Variants in KDM6A observed in about 807,000 individuals in gnomAD.
The protein encoded by KDM6A is lysine-specific demethylase 6A.
In KDM6A, 11 loss-of-function variants were observed where a neutral mutation model predicts 117.6. The ratio of observed to expected loss-of-function variants is 0.09; its 90% confidence interval spans 0.06 to 0.15. The LOEUF (loss-of-function observed/expected upper bound fraction) is 0.15, where lower values mean the gene tolerates loss of function less well. KDM6A is among the 10% of genes least tolerant of loss of function. The pLI is 1.00. For missense variants in KDM6A, 799 were observed against 1,077.3 expected (o/e 0.74, Z 3.62); for synonymous variants, 384 against 396.1 (o/e 0.97, Z 0.36).
chrX:45,049,165 A>G (rs886695796), intron 8 of KDM6A, among the ~76,000 whole-genome samples: 2 of 111,946 alleles, frequency 1.8e-5, no homozygotes, highest in Admixed American at 9.5e-5. Context: ...CATCTCTACA[A>G]TACTTGGAAT....
intron 2 of KDM6A, among the ~76,000 whole-genome samples, chrX:44,929,358 T>C (rs1292098897): frequency 1.8e-5 from 2 of 110,837 alleles, no homozygotes; most frequent in Admixed American, 1.9e-4. Context: ...CTGATTGGCT[T>C]TCTACCACGT....
chrX:45,048,952 C>T (rs749519398), intron 8 of KDM6A, among the ~76,000 whole-genome samples: 1 of 110,728 alleles, frequency 9.0e-6, no homozygotes, highest in South Asian at 3.8e-4. Flanking sequence ...TTGTATTTTG[C>T]TTCTACTTGT....
At chrX:45,005,974 C>CCCCACCCCCCACCA (rs1433682483) in intron 4 of KDM6A, among the ~76,000 whole-genome samples, 1 of 61,573 alleles carries the variant, frequency 1.6e-5, no homozygotes, top group Non-Finnish European at 2.9e-5. Context: ...CCCCCACCCC[C>CCCCACCCCCCACCA]CCCACCCCCC....
chrX:45,035,695 A>T (rs2042781316), intron 7 of KDM6A, among the ~76,000 whole-genome samples: 1 of 109,598 alleles, frequency 9.1e-6, no homozygotes, highest in Non-Finnish European at 1.9e-5. Flanking sequence ...AATTATTATT[A>T]TTATTATTAT....
chrX:45,109,319 A>G (rs1238030058), intron 28 of KDM6A, among the ~76,000 whole-genome samples: 1 of 111,230 alleles, frequency 9.0e-6, no homozygotes, highest in East Asian at 2.8e-4. Flanking sequence ...GGACAAGTTG[A>G]AGAATGCTCA....
rs111732223 is a variant in KDM6A, at chrX:45,062,991, G to C, written c.1683+243G>C. Reference sequence around the variant, plus strand: ...ACATGATATTTCACATGTATTCTAAGGGTTTGTTTACATTATTTAGTACTG... The same window carrying C: ...ACATGATATTTCACATGTATTCTAACGGTTTGTTTACATTATTTAGTACTG... On this transcript the variant is annotated intron_variant, in intron 16 of 29. Transcript: ENST00000611820. Among the ~76,000 whole-genome samples, 4,291 of 111,341 alleles carry C rather than the reference G, an allele frequency of 0.039. 220 individuals are homozygous for C. Among genetic ancestry groups the C allele is most frequent in the African/African-American group, 0.13 (4,106 of 30,502 alleles).
At chrX:44,963,493 GTC>G (rs1260179240) in intron 3 of KDM6A, among the ~76,000 whole-genome samples, 1 of 39,188 alleles carries the variant, frequency 2.6e-5, no homozygotes. Context: ...GTGTCTGTCT[GTC>G]TGTCTCTGTC....
chrX:44,922,971 TTTC>T (rs1188210624), intron 2 of KDM6A, among the ~76,000 whole-genome samples: 5 of 112,092 alleles, frequency 4.5e-5, no homozygotes, highest in Non-Finnish European at 9.4e-5. Context: ...AAAGTTTAAT[TTTC>T]TTCTTTATTT....
chrX:44,877,603 T>C lies in KDM6A; in HGVS notation c.225+3616T>C, dbSNP rs745951592. ...AATATATACGAATATATACCATAAA[T>C]GTAGTAAGTTTAAATATAGTAGTAC... On this transcript the variant is annotated intron_variant, in intron 2 of 29. Transcript: ENST00000611820. Among the ~76,000 whole-genome samples, 251 of 109,310 alleles carry C rather than the reference T, an allele frequency of 2.3e-3. 1 individual carries two copies. Among genetic ancestry groups the C allele is most frequent in the African/African-American group, 8.0e-3 (241 of 30,079 alleles). 94.9% of individuals were successfully genotyped at this position (109,310 alleles called of 115,157 possible). A position where few individuals can be genotyped will look rare whatever the true frequency, so the allele number is the denominator to read the frequency against.
chrX:45,030,207 T>C (rs909151801), intron 6 of KDM6A, among the ~76,000 whole-genome samples: 2 of 109,721 alleles, frequency 1.8e-5, no homozygotes, highest in African/African-American at 3.3e-5. Context: ...CAGATATTCA[T>C]GCACACAGAC....
At chrX:45,082,183 A>T (rs1262099954) in intron 21 of KDM6A, among the ~76,000 whole-genome samples, 3 of 110,766 alleles carry the variant, frequency 2.7e-5, no homozygotes, top group African/African-American at 9.8e-5. Context: ...TCACGCCTGT[A>T]ATCCCAGCAC....
At chrX:44,920,562 C>G (rs1284609597) in intron 2 of KDM6A, among the ~76,000 whole-genome samples, 1 of 110,190 alleles carries the variant, frequency 9.1e-6, no homozygotes, top group Non-Finnish European at 1.9e-5. Flanking sequence ...CCTCAGCCTC[C>G]CGAGTAGCTG....
chrX:45,068,560 T>TA (rs2044643341), intron 17 of KDM6A, among the ~76,000 whole-genome samples: 4 of 96,249 alleles, frequency 4.2e-5, no homozygotes, highest in African/African-American at 1.3e-4. Flanking sequence ...CCCTTTTTTT[T>TA]TAAAAAAAAA....
rs770278924 is a variant in KDM6A at position 45,110,092 on chromosome X, A to G, written c.4175A>G (p.Asp1392Gly). Residue 1392 changes from aspartate to glycine, a missense_variant, in exon 29 of 30, where the codon GAT (aspartate) becomes GGT (glycine). Physicochemically the swap from Asp to Gly is moderately conservative, Grantham distance 94. This residue lies in a region of KDM6A where 291 missense variants were observed against 437.9 expected (regional missense o/e 0.66). Transcript: ENST00000611820. ...TGTATAAAACAGGTGGAGGTTTTTG[A>G]TCTGCTTTTTGTCACTAATGAGAGT... The part of the protein sequence containing the change: ...YCSICEVEVF[D>G]LLFVTNESNS... 4 of 1,210,146 alleles carry G rather than the reference A, an allele frequency of 3.3e-6. No individual in the cohort carries two copies. Among genetic ancestry groups the G allele is most frequent in the Non-Finnish European group, 4.5e-6 (4 of 894,083 alleles).
At chrX:45,031,302 T>G (rs186242548) in intron 6 of KDM6A, among the ~76,000 whole-genome samples, 1 of 112,123 alleles carries the variant, frequency 8.9e-6, no homozygotes, top group African/African-American at 3.2e-5. Context: ...AACATTGTAT[T>G]CTGTAGATGT....
chrX:44,967,060 C>T (rs969214208), intron 3 of KDM6A, among the ~76,000 whole-genome samples: 11 of 110,461 alleles, frequency 1.0e-4, no homozygotes, highest in East Asian at 2.9e-4. Flanking sequence ...TTAGTAGAGA[C>T]GGGGTTTCAC....
intron 27 of KDM6A, among the ~76,000 whole-genome samples, chrX:45,104,459 A>G (rs1039381624): frequency 8.9e-6 from 1 of 112,751 alleles, no homozygotes; most frequent in Admixed American, 9.4e-5. Flanking sequence ...TTGTCTTTGT[A>G]TAAAATCAGT....
At chrX:45,000,615 A>C (rs2041090960) in intron 4 of KDM6A, among the ~76,000 whole-genome samples, 1 of 112,429 alleles carries the variant, frequency 8.9e-6, no homozygotes, top group African/African-American at 3.2e-5. Flanking sequence ...GAAAATTCTT[A>C]AGCTCACTGC....
intron 2 of KDM6A, among the ~76,000 whole-genome samples, chrX:44,901,119 G>A (rs1248285343): frequency 9.0e-6 from 1 of 111,319 alleles, no homozygotes; most frequent in Non-Finnish European, 1.9e-5. Flanking sequence ...AGTGGCTCAC[G>A]CCTGTTATCC....
Sources: gnomAD v4.1 joint callset for allele counts (sites outside exome capture counted in the v4.1 genomes callset) on GRCh38, gnomAD v4.1.1 for gene constraint, gnomAD v4.1.1 regional missense constraint, MANE v1.5 for transcripts, NCBI Gene and HGNC (gene_info 2026-07-23, HGNC 2026-07-21) for gene names.